SLC35F5: variants seen among roughly 807,000 people sequenced by gnomAD.
SLC35F5 encodes solute carrier family 35 member F5, also known as HCV NS5A-transactivated protein 3.
A neutral mutation model predicts 68.6 loss-of-function variants in SLC35F5; 54 were observed. The ratio of observed to expected loss-of-function variants is 0.79; its 90% CI spans 0.63 to 0.99. The LOEUF (loss-of-function observed/expected upper bound fraction) is 0.99. Ranked by LOEUF, SLC35F5 falls within the 50% of genes least tolerant of loss-of-function variation. SLC35F5 has a pLI of 0.00. For missense variants in SLC35F5, 567 were observed against 626.9 expected (o/e 0.90, Z 1.02); for synonymous variants, 211 against 205.2 (o/e 1.03, Z -0.24).
At chr2:113,749,771 A>G (rs1004980321) in intron 4 of SLC35F5, among the ~76,000 whole-genome samples, 6 of 152,186 alleles carry the variant, frequency 3.9e-5, no homozygotes, top group African/African-American at 1.4e-4. Flanking sequence ...ACATTTAAAA[A>G]TAGTTAAAAT....
downstream of SLC35F5, among the ~76,000 whole-genome samples, chr2:113,704,703 G>A (rs13407986): frequency 0.12 from 18,830 of 151,782 alleles, 1,232 homozygotes; most frequent in Non-Finnish European, 0.15. Context: ...CTCCGAGTGC[G>A]GGGCCCGCCG....
Position 113,729,412 on chromosome 2 carries a change from G to A in SLC35F5, c.1079C>T (p.Pro360Leu). Residue 360 changes from proline (P) to leucine (L), a missense_variant, in exon 11 of 16, where the codon CCA (proline) becomes CTA (leucine). Transcript: ENST00000245680. ...ACATATATTCTTACCAAAGAACATT[G>A]GAATATCCAACTTGTCTTCTCTATC... ...KVDREDKLDI[P>L]MFFGFVGLFN... 5 of 1,500,298 alleles carry A rather than the reference G, an allele frequency of 3.3e-6. No individual in the cohort carries two copies. The highest frequency in any genetic ancestry group is 4.6e-6 in the Non-Finnish European group (5 of 1,086,572). 92.9% of individuals were successfully genotyped at this position (1,500,298 alleles called of 1,614,324 possible).
intron 11 of SLC35F5, among the ~76,000 whole-genome samples, chr2:113,727,763 T>C (rs190179165): frequency 2.0e-5 from 3 of 152,140 alleles, no homozygotes; most frequent in Admixed American, 1.3e-4. Flanking sequence ...CAGATCAATA[T>C]TGCTTTACAT....
intron 11 of SLC35F5, among the ~76,000 whole-genome samples, chr2:113,727,442 C>A (rs1321337181): frequency 6.6e-6 from 1 of 152,088 alleles, no homozygotes; most frequent in East Asian, 1.9e-4. Context: ...TAATGAAACA[C>A]CAAAACGTGG....
chr2:113,725,407 T>C lies in SLC35F5; in HGVS notation c.1221A>G (p.Gly407=). ...ACCACAGGAACTCTGAGAGTACTGTTCCAATAAGGCCATTAATGATAATGC... is the reference window on the plus strand; with the variant it reads ...ACCACAGGAACTCTGAGAGTACTGTCCCAATAAGGCCATTAATGATAATGC... ...LMCIIINGLI[G]TVLSEFLWLW... The change falls in exon 12 of 16, where the codon GGA becomes GGG. Residue 407 remains glycine (G), a synonymous_variant. Transcript: ENST00000245680. 6.2e-7 allele frequency: 1 copy of C among 1,608,852 alleles called. No individual in the cohort carries two copies. The highest frequency in any genetic ancestry group is 8.5e-7 in the Non-Finnish European group (1 of 1,178,518).
In SLC35F5 at chr2:113,712,000, C is replaced by G. The variant is rs1687003152; in HGVS notation, c.*3218G>C. ...TGGCTTCCAGAGAAGTCATACCTTG[C>G]ATACCCTGGAGTCATACCTCAAATT... is the stretch of plus-strand genomic sequence containing the variant. On this transcript the variant is annotated 3_prime_UTR_variant, in exon 16 of 16. Coordinates refer to ENST00000245680, the MANE Select transcript of SLC35F5 (RefSeq NM_025181.5). Among the ~76,000 whole-genome samples, 1 of 152,220 alleles carries G rather than the reference C, an allele frequency of 6.6e-6. No homozygotes were observed. The highest frequency in any genetic ancestry group is 2.4e-5 in the African/African-American group (1 of 41,450).
rs1686943683 is a variant in SLC35F5 at position 113,710,256 on chromosome 2, A to T, written c.*4962T>A. The stretch of plus-strand genomic sequence containing the variant: ...TATATATATAACTTAACACTATGCT[A>T]CTACAAAGGGCAAAATAATTCACTT... On this transcript the variant is annotated 3_prime_UTR_variant, in exon 16 of 16. Transcript: ENST00000245680. Among the ~76,000 whole-genome samples the T allele has an allele frequency of 2.0e-5, 3 of 152,254 alleles. No individual in the cohort carries two copies. The highest frequency in any genetic ancestry group is 7.2e-5 in the African/African-American group (3 of 41,466).
chr2:113,742,516 A>C, intron 7 of SLC35F5, 176 bp downstream of exon 7: 1 of 622,622 alleles, frequency 1.6e-6, no homozygotes, highest in Non-Finnish European at 2.8e-6. Flanking sequence ...TTTGAGGTAT[A>C]TCAAGCATTT....
chr2:113,715,750 T>C (rs1687152796), intron 15 of SLC35F5, among the ~76,000 whole-genome samples: 1 of 152,100 alleles, frequency 6.6e-6, no homozygotes. Context: ...GTTGTTATGT[T>C]ATAATGTTGA....
At position 113,756,441 on chromosome 2, in the gene SLC35F5, G is replaced by A. The variant is rs1159251883; in HGVS notation, c.-32C>T. 6.5e-7 allele frequency: 1 copy of A among 1,541,060 alleles called. No homozygotes were observed. Among genetic ancestry groups the A allele is most frequent in the South Asian group, 1.2e-5 (1 of 83,980 alleles). ...ACCGGTCAGGCCCCGCAGCCGCCCA[G>A]CGCCACGGCCGCGGCCTCGGACTCA... On this transcript the variant is annotated 5_prime_UTR_variant, in exon 1 of 16. Coordinates refer to ENST00000245680, the MANE Select transcript of SLC35F5 (RefSeq NM_025181.5).
At chr2:113,718,252 T>C (rs1226207843) in intron 14 of SLC35F5, among the ~76,000 whole-genome samples, 2 of 150,062 alleles carry the variant, frequency 1.3e-5, no homozygotes, top group Non-Finnish European at 1.5e-5. Context: ...GTCTGGGTAA[T>C]TTTTTTTTTA....
chr2:113,712,952 T>A lies in SLC35F5; in HGVS notation c.*2266A>T, dbSNP rs1038514331. 6.6e-6 allele frequency: 1 copy of A among 152,208 alleles called. No homozygotes were observed. The highest frequency in any genetic ancestry group is 2.4e-5 in the African/African-American group (1 of 41,444). 9.4% of individuals were successfully genotyped at this position (152,208 alleles called of 1,614,324 possible). ...TGCTCATTGTGATCCAAGGGCCTTG[T>A]TACCTAGTTTCTAGGTGATCTACAG... On this transcript the variant is annotated 3_prime_UTR_variant, in exon 16 of 16. Transcript: ENST00000245680.
Position 113,756,418 on chromosome 2 carries a change from C to T in SLC35F5, c.-9G>A, listed in dbSNP as rs1486919696. On this transcript the variant is annotated 5_prime_UTR_variant, in exon 1 of 16. Coordinates refer to ENST00000245680, the MANE Select transcript of SLC35F5 (RefSeq NM_025181.5). Reference sequence around the variant, plus strand: ...CGTCGTGGCGGCACCATGAGCGGACCGGTCAGGCCCCGCAGCCGCCCAGCG... The same window carrying T: ...CGTCGTGGCGGCACCATGAGCGGACTGGTCAGGCCCCGCAGCCGCCCAGCG... 2.6e-6 allele frequency: 4 copies of T among 1,549,960 alleles called. No homozygotes were observed. Among genetic ancestry groups the T allele is most frequent in the Non-Finnish European group, 1.7e-6 (2 of 1,149,250 alleles).
chr2:113,753,369 G>A (rs1398344236), intron 3 of SLC35F5, among the ~76,000 whole-genome samples: 2 of 151,760 alleles, frequency 1.3e-5, no homozygotes, highest in Non-Finnish European at 2.9e-5. Context: ...TAGAGACTGA[G>A]TTTCACCATG....
intron 8 of SLC35F5, 120 bp downstream of exon 8, chr2:113,735,657 G>C: frequency 1.7e-6 from 1 of 599,354 alleles, no homozygotes; most frequent in Admixed American, 3.3e-5. Flanking sequence ...ATAGACTAAT[G>C]TATATTAGAA....
chr2:113,756,178 TTCC>T, intron 1 of SLC35F5, 189 bp downstream of exon 1: 1 of 1,464,134 alleles, frequency 6.8e-7, no homozygotes, highest in African/African-American at 1.4e-5. Context: ...CACGCACGGC[TTCC>T]TCAATTGCCA....
intron 4 of SLC35F5, among the ~76,000 whole-genome samples, chr2:113,748,993 G>A (rs1234434534): frequency 3.9e-5 from 6 of 152,012 alleles, no homozygotes; most frequent in Non-Finnish European, 1.5e-5. Flanking sequence ...TAGTAGAGAC[G>A]GGGTTTCACC....
chr2:113,743,712 C>CA lies in SLC35F5; in HGVS notation c.562_562+1insT (p.Thr188IlefsTer11). The CA allele has an allele frequency of 1.2e-6, 2 of 1,609,064 alleles. No individual in the cohort carries two copies. The highest frequency in any genetic ancestry group is 1.7e-6 in the Non-Finnish European group (2 of 1,177,300). On this transcript the variant is annotated frameshift_variant and splice_region_variant. Transcript: ENST00000245680. LOFTEE classifies it high-confidence loss of function. The stretch of plus-strand genomic sequence containing the variant: ...TCTACCCATTTCCAAGTTTTGCTTA[C>CA]TTTTTTCAGTATCAATGTTTGTGCT...
intron 13 of SLC35F5, among the ~76,000 whole-genome samples, chr2:113,720,810 A>G (rs1687401241): frequency 6.6e-6 from 1 of 152,184 alleles, no homozygotes. Context: ...ATCAAAGCAA[A>G]CTTAATAAAG....
Sources: allele counts gnomAD v4.1 joint callset (sites outside exome capture counted in the v4.1 genomes callset), GRCh38; gene constraint gnomAD v4.1.1; transcripts MANE v1.5; gene names NCBI Gene and HGNC (gene_info 2026-07-23, HGNC 2026-07-21).